Variants in MAK observed in about 807,000 individuals in gnomAD.
The protein encoded by MAK is serine/threonine-protein kinase MAK.
A neutral mutation model predicts 82.6 loss-of-function variants in MAK; 65 were observed. The ratio of observed to expected loss-of-function variants is 0.79; its 90% CI spans 0.64 to 0.97. The LOEUF is 0.97. MAK is among the 50% of genes least tolerant of loss of function. The probability of loss-of-function intolerance (pLI) is 0.00; values close to 1 mark genes in which losing one functional copy is unlikely to be tolerated. For synonymous variants in MAK, 250 were observed against 274.2 expected (o/e 0.91, Z 0.87); for missense variants, 703 against 780.2 (o/e 0.90, Z 1.18).
At chr6:10,773,690 A>ATT (rs34702806) in intron 12 of MAK, among the ~76,000 whole-genome samples, 32 of 136,734 alleles carry the variant, frequency 2.3e-4, no homozygotes, top group African/African-American at 4.6e-4. Flanking sequence ...ACTATTAGTG[A>ATT]TTTTTTTTTT....
chr6:10,815,902 G>A (rs1581744376), intron 4 of MAK, among the ~76,000 whole-genome samples: 1 of 109,208 alleles, frequency 9.2e-6, no homozygotes, highest in African/African-American at 4.6e-5. Context: ...TATTAGTGTA[G>A]CTTTATACAG....
intron 5 of MAK, among the ~76,000 whole-genome samples, chr6:10,810,406 C>G (rs943971082): frequency 2.2e-5 from 3 of 134,408 alleles, no homozygotes; most frequent in African/African-American, 8.5e-5. Flanking sequence ...GTGGCGCAAT[C>G]TGGGCTCATT....
intron 6 of MAK, 79 bp downstream of exon 6, chr6:10,808,731 C>T: frequency 5.1e-6 from 7 of 1,377,102 alleles, no homozygotes; most frequent in Non-Finnish European, 6.2e-6. Flanking sequence ...ATGGAACTTC[C>T]AGAAATATGT....
intron 11 of MAK, among the ~76,000 whole-genome samples, chr6:10,778,658 A>C (rs1295535373): frequency 6.6e-6 from 1 of 152,222 alleles, no homozygotes; most frequent in Non-Finnish European, 1.5e-5. Context: ...GGGTGGTATA[A>C]AATGAGGCTG....
At chr6:10,783,933 G>T (rs1224508052) in intron 11 of MAK, among the ~76,000 whole-genome samples, 2 of 151,982 alleles carry the variant, frequency 1.3e-5, no homozygotes, top group Non-Finnish European at 2.9e-5. Flanking sequence ...GCAGGAGAAT[G>T]GCTTAAACCT....
intron 11 of MAK, chr6:10,779,311 G>A (rs1416246334): frequency 2.0e-6 from 2 of 981,916 alleles, no homozygotes; most frequent in Non-Finnish European, 2.4e-6. Context: ...GATAATTAAA[G>A]TACCTAAGGC....
Position 10,808,821 on chromosome 6 carries a change from T to TA in MAK, c.479dup (p.Ser161IlefsTer9). On this transcript the variant is annotated frameshift_variant, in exon 6 of 15. Transcript: ENST00000354489. LOFTEE classifies it high-confidence loss of function. ...TAACCCCTACTCACCATCTGGTAGA[T>TA]ACATAATCAGTGTATGGTGGCTGTG... The TA allele has an allele frequency of 1.2e-6, 2 of 1,614,106 alleles. No homozygotes were observed. Among genetic ancestry groups the TA allele is most frequent in the Non-Finnish European group, 1.7e-6 (2 of 1,179,990 alleles).
chr6:10,772,606 G>A (rs770804987), intron 13 of MAK, among the ~76,000 whole-genome samples: 7 of 151,946 alleles, frequency 4.6e-5, no homozygotes, highest in Admixed American at 4.6e-4. Flanking sequence ...GCCTCCTGAA[G>A]TGCTGGGATT....
At chr6:10,773,998 C>T (rs985604319) in intron 12 of MAK, among the ~76,000 whole-genome samples, 3 of 151,956 alleles carry the variant, frequency 2.0e-5, no homozygotes, top group Admixed American at 2.0e-4. Flanking sequence ...TGCACCTGGC[C>T]AAAACTATTA....
In MAK at chr6:10,793,473, A is replaced by G. The variant is rs1775254533; in HGVS notation, c.1144-1626T>C. On this transcript the variant is annotated intron_variant, in intron 9 of 14. Transcript: ENST00000354489. This position sits in a 1 kb window ranked among gnomAD's most constrained non-coding sequence, Gnocchi z 4.6. ...AGAATGGGTAAACTGAGAAGAAAAA[A>G]TACAGATTCAAAAATAATTAGAAAT... is the stretch of plus-strand genomic sequence containing the variant. Among the ~76,000 whole-genome samples, 1 of 152,234 alleles carries G rather than the reference A, an allele frequency of 6.6e-6. No homozygotes were observed. Among genetic ancestry groups the G allele is most frequent in the Non-Finnish European group, 1.5e-5 (1 of 68,044 alleles).
At chr6:10,826,948 C>T (rs1778416741) in intron 2 of MAK, among the ~76,000 whole-genome samples, 1 of 151,996 alleles carries the variant, frequency 6.6e-6, no homozygotes, top group South Asian at 2.1e-4. Context: ...CCCGTCTCTA[C>T]TAAAAATGCA....
Position 10,763,441 on chromosome 6 carries a change from C to G in MAK, c.*1011G>C, listed in dbSNP as rs1772117563. ...TCAAGCCATTGGGCTTGATTGTCAC[C>G]TTGAATTCATGGGAACTGTACTGGT... On this transcript the variant is annotated 3_prime_UTR_variant, in exon 15 of 15. Coordinates refer to ENST00000354489, the MANE Select transcript of MAK (RefSeq NM_001242957.3). 6.6e-6 allele frequency: 1 copy of G among 151,992 alleles called. No individual in the cohort carries two copies. Among genetic ancestry groups the G allele is most frequent in the Admixed American group, 6.6e-5 (1 of 15,244 alleles). 9.4% of individuals were successfully genotyped at this position (151,992 alleles called of 1,614,324 possible). A position where few individuals can be genotyped will look rare whatever the true frequency, so the allele number is the denominator to read the frequency against.
chr6:10,792,510 G>C (rs1156613572), intron 9 of MAK, among the ~76,000 whole-genome samples: 1 of 152,206 alleles, frequency 6.6e-6, no homozygotes, highest in Non-Finnish European at 1.5e-5. Flanking sequence ...GAAACAGAGA[G>C]GGAAGTATGA....
chr6:10,837,436 G>A (rs2127595823), intron 1 of MAK, among the ~76,000 whole-genome samples: 1 of 152,358 alleles, frequency 6.6e-6, no homozygotes, highest in East Asian at 1.9e-4. Flanking sequence ...TGCCTGCAGT[G>A]GAAGCAGGCG....
intron 2 of MAK, among the ~76,000 whole-genome samples, chr6:10,826,961 A>T (rs1778417510): frequency 1.3e-5 from 2 of 152,092 alleles, no homozygotes; most frequent in Admixed American, 1.3e-4. Flanking sequence ...AAAATGCAAA[A>T]TTAGCCAGGC....
chr6:10,808,861 G>T lies in MAK; in HGVS notation c.440C>A (p.Ala147Glu). The T allele has an allele frequency of 6.2e-7, 1 of 1,613,630 alleles. No homozygotes were observed. Among genetic ancestry groups the T allele is most frequent in the Non-Finnish European group, 8.5e-7 (1 of 1,179,814 alleles). The part of the protein sequence containing the change: ...ELVKIADFGL[A>E]RELRSQPPYT... ...TGGTGGCTGTGACCTTAATTCTCTT[G>T]CAAGTCCAAAATCAGCAATTTTCAC... Residue 147 changes from alanine (A) to glutamate (E), a missense_variant, in exon 6 of 15, where the codon GCA becomes GAA. By Grantham distance (107) the Ala-to-Glu change is moderately radical. Coordinates refer to ENST00000354489, the MANE Select transcript of MAK (RefSeq NM_001242957.3).
At position 10,796,313 on chromosome 6, in the gene MAK, T is replaced by TA. The variant is rs1287044611; in HGVS notation, c.832-5dup. The TA allele has an allele frequency of 2.5e-6, 4 of 1,609,746 alleles. No homozygotes were observed. The highest frequency in any genetic ancestry group is 3.4e-6 in the Non-Finnish European group (4 of 1,177,970). ...GAAAATATGGGTGTTTCAATGCCTA[T>TA]AAAAACACAGAGAAAACAACAAATG... On this transcript the variant is annotated splice_polypyrimidine_tract_variant and splice_region_variant and intron_variant, in intron 8 of 14. Coordinates refer to ENST00000354489, the MANE Select transcript of MAK (RefSeq NM_001242957.3).
In MAK at chr6:10,803,765, G is replaced by A. The variant is rs765957619; in HGVS notation, c.618C>T (p.Val206=). The A allele has an allele frequency of 8.7e-6, 14 of 1,613,630 alleles. No individual in the cohort carries two copies. In the East Asian group the frequency reaches 8.9e-5, roughly 10 times the overall value. The change falls in exon 7 of 15, where the codon GTC becomes GTT. Residue 206 remains valine, a synonymous_variant. Coordinates refer to ENST00000354489, the MANE Select transcript of MAK (RefSeq NM_001242957.3). The stretch of plus-strand genomic sequence containing the variant: ...CTTGGCAAATTTTAAAGATTTCATC[G>A]ACCTCACTTGTCCCTGGGAAAAGTG... The part of the protein sequence containing the change: ...LRPLFPGTSE[V]DEIFKICQVL...
chr6:10,774,057 C>T (rs1282936331), intron 12 of MAK, among the ~76,000 whole-genome samples: 1 of 152,074 alleles, frequency 6.6e-6, no homozygotes, highest in Non-Finnish European at 1.5e-5. Context: ...GAACAAGTTC[C>T]TTTTTGATGC....
Sources: allele counts gnomAD v4.1 joint callset (sites outside exome capture counted in the v4.1 genomes callset), GRCh38; gene constraint gnomAD v4.1.1; non-coding constraint Gnocchi (gnomAD v3.1); transcripts MANE v1.5; gene names NCBI Gene and HGNC (gene_info 2026-07-23, HGNC 2026-07-21).